VWA2: variants seen among roughly 807,000 people sequenced by gnomAD.
VWA2 encodes the protein von Willebrand factor A domain-containing protein 2.
In VWA2, 73 loss-of-function variants were observed where a neutral mutation model predicts 70.4. The ratio of observed to expected loss-of-function variants is 1.04; its 90% CI spans 0.86 to 1.26. VWA2 has a LOEUF of 1.26. VWA2 is among the 50% of genes most tolerant of loss of function. The pLI is 0.00. For missense variants in VWA2, 1,011 were observed against 998.5 expected (o/e 1.01, Z -0.17); for synonymous variants, 407 against 423.3 (o/e 0.96, Z 0.47).
Position 114,290,871 on chromosome 10 carries a change from G to T in VWA2, c.2249-347G>T, listed in dbSNP as rs975351546. Among the ~76,000 whole-genome samples the T allele has an allele frequency of 8.5e-5, 13 of 152,314 alleles. No individual in the cohort carries two copies. The East Asian group carries it at 2.1e-3, about 25-fold the overall frequency. ...GAGGTGCTAGAGGTTTGAGAGAAAA[G>T]AAGTCATTGTCAAGGGTAACAGATT... On this transcript the variant is annotated intron_variant, in intron 13 of 13. Coordinates refer to ENST00000392982, the MANE Select transcript of VWA2 (RefSeq NM_001272046.2).
At chr10:114,242,458 CGTGCCTCTGTGTACCA>C in intron 1 of VWA2, among the ~76,000 whole-genome samples, 1 of 152,230 alleles carries the variant, frequency 6.6e-6, no homozygotes, top group East Asian at 1.9e-4. Context: ...CTGTGTACCA[CGTGCCTCTGTGTACCA>C]GTGCCTCTGC....
At position 114,252,367 on chromosome 10, in the gene VWA2, G is replaced by C. The variant is rs561452953; in HGVS notation, c.53-1284G>C. ...AGATTGAGGGGAGGAGGGAGTATTA[G>C]GTGAGCAGGAGCTGTCTGCTCAAAG... On this transcript the variant is annotated intron_variant, in intron 2 of 13. Transcript: ENST00000392982. Among the ~76,000 whole-genome samples, 13 of 152,244 alleles carry C rather than the reference G, an allele frequency of 8.5e-5. No individual in the cohort carries two copies. The South Asian group carries it at 1.9e-3, about 22-fold the overall frequency.
intron 8 of VWA2, among the ~76,000 whole-genome samples, chr10:114,279,818 A>T (rs573786904): frequency 6.6e-6 from 1 of 152,346 alleles, no homozygotes; most frequent in African/African-American, 2.4e-5. Context: ...TTGGAAAAGG[A>T]GACCAGCGGC....
chr10:114,258,991 T>A (rs1048185799), intron 4 of VWA2, among the ~76,000 whole-genome samples: 1 of 152,242 alleles, frequency 6.6e-6, no homozygotes, highest in African/African-American at 2.4e-5. Context: ...GGATATTTGC[T>A]GTTACAAATA....
At chr10:114,278,477 G>T (rs888391183) in intron 7 of VWA2, among the ~76,000 whole-genome samples, 3 of 152,210 alleles carry the variant, frequency 2.0e-5, no homozygotes, top group African/African-American at 7.2e-5. Flanking sequence ...TGCCCATTAC[G>T]CAAAAGCTGT....
At position 114,291,793 on chromosome 10, in the gene VWA2, G is replaced by A. The variant is rs186758666; in HGVS notation, c.*556G>A. On this transcript the variant is annotated 3_prime_UTR_variant, in exon 14 of 14. Coordinates refer to ENST00000392982, the MANE Select transcript of VWA2 (RefSeq NM_001272046.2). ...GAGTCTGAAAGGGGGCTTGAGGGAC[G>A]TTTGTGACTTCTGGCGACTGCCTTT... Among the ~76,000 whole-genome samples, 8 of 152,348 alleles carry A rather than the reference G, an allele frequency of 5.3e-5. No homozygotes were observed. The East Asian group carries it at 7.7e-4, about 15-fold the overall frequency.
chr10:114,291,127 G>C, intron 13 of VWA2, 91 bp from the exon 14 acceptor site: 1 of 1,445,978 alleles, frequency 6.9e-7, no homozygotes, highest in Non-Finnish European at 9.5e-7. Flanking sequence ...TGTAGAGTAA[G>C]AGCAGGACCT....
rs2039577457 is a variant in VWA2 at position 114,291,315 on chromosome 10, G to A, written c.*78G>A. ...CAGAGAAGGCCTGGGCACTGAAATG[G>A]TGCCTACCTTCTGGAATGTCTGTGC... On this transcript the variant is annotated 3_prime_UTR_variant, in exon 14 of 14. Transcript: ENST00000392982. The A allele has an allele frequency of 2.0e-6, 3 of 1,464,924 alleles. No individual in the cohort carries two copies. Among genetic ancestry groups the A allele is most frequent in the Non-Finnish European group, 1.8e-6 (2 of 1,095,382 alleles). The allele number at this position is 1,464,924 out of a possible 1,614,324, so 90.7% of individuals were successfully genotyped here. A position where few individuals can be genotyped will look rare whatever the true frequency, so the allele number is the denominator to read the frequency against.
rs908304414 is a variant in VWA2 at position 114,290,668 on chromosome 10, C to T, written c.2248+303C>T. 4.6e-5 allele frequency among the ~76,000 whole-genome samples: 7 copies of T among 152,004 alleles called. No individual in the cohort carries two copies. In the South Asian group the frequency reaches 6.2e-4, roughly 14 times the overall value. On this transcript the variant is annotated intron_variant, in intron 13 of 13. Transcript: ENST00000392982. ...GTGTGGTAGACGGTGCTAAGCACCCCGGAGAAAGTCATGACAACTAGGAGG... is the reference window on the plus strand; with the variant it reads ...GTGTGGTAGACGGTGCTAAGCACCCTGGAGAAAGTCATGACAACTAGGAGG...
chr10:114,267,242 G>A (rs191692690), intron 5 of VWA2, among the ~76,000 whole-genome samples: 3 of 149,312 alleles, frequency 2.0e-5, no homozygotes, highest in South Asian at 2.1e-4. Context: ...AGACTCTCCC[G>A]AGTAGCTGGG....
intron 6 of VWA2, among the ~76,000 whole-genome samples, chr10:114,276,246 G>T (rs1447858986): frequency 6.6e-6 from 1 of 152,168 alleles, no homozygotes; most frequent in Non-Finnish European, 1.5e-5. Context: ...CCACCAAAGG[G>T]CTGAGTCGCT....
At chr10:114,274,731 G>A (rs2037789155) in intron 6 of VWA2, among the ~76,000 whole-genome samples, 1 of 151,962 alleles carries the variant, frequency 6.6e-6, no homozygotes, top group South Asian at 2.1e-4. Context: ...CTGGCTTCAA[G>A]TGACCCACCC....
At position 114,291,194 on chromosome 10, in the gene VWA2, C is replaced by T. The variant is rs1394946146; in HGVS notation, c.2249-24C>T. The T allele has an allele frequency of 4.5e-6, 7 of 1,550,318 alleles. No individual in the cohort carries two copies. The African/African-American group carries it at 5.5e-5, about 12-fold the overall frequency. ...AGAAGGGGATGCAGACACTCCTGTC[C>T]TCAGACTTCACTTCCTTCCCCAGGA... On this transcript the variant is annotated intron_variant, in intron 13 of 13. Coordinates refer to ENST00000392982, the MANE Select transcript of VWA2 (RefSeq NM_001272046.2).
intron 10 of VWA2, 98 bp downstream of exon 10, chr10:114,285,068 C>A: frequency 2.0e-6 from 2 of 1,014,900 alleles, no homozygotes; most frequent in Non-Finnish European, 2.8e-6. Context: ...TGGGTAGAAA[C>A]TGGCCCTTGA....
intron 12 of VWA2, 134 bp from the exon 13 acceptor site, chr10:114,290,106 A>G: frequency 8.0e-7 from 1 of 1,248,882 alleles, no homozygotes; most frequent in Non-Finnish European, 1.1e-6. Context: ...ATGCAGCACC[A>G]ACCATGAGCT....
At chr10:114,251,742 G>A (rs78146554) in intron 2 of VWA2, among the ~76,000 whole-genome samples, 1,631 of 152,024 alleles carry the variant, frequency 0.011, 21 homozygotes, top group African/African-American at 0.038. Flanking sequence ...GAACAGAACC[G>A]CATTATGGGG....
At position 114,286,398 on chromosome 10, in the gene VWA2, A is replaced by G; in HGVS notation, c.1457A>G (p.Glu486Gly). The change falls in exon 11 of 14, where the codon GAG becomes GGG. Residue 486 changes from glutamate to glycine, a missense_variant. By Grantham distance (98) the Glu-to-Gly change is moderately conservative. Coordinates refer to ENST00000392982, the MANE Select transcript of VWA2 (RefSeq NM_001272046.2). ...LGVGSEAVRA[E>G]LEEITGSPKH... Reference sequence around the variant, plus strand: ...GTAGGCAGTGAGGCCGTGCGGGCAGAGCTGGAGGAGATCACAGGCAGCCCA... The same window carrying G: ...GTAGGCAGTGAGGCCGTGCGGGCAGGGCTGGAGGAGATCACAGGCAGCCCA... 2 of 1,613,926 alleles carry G rather than the reference A, an allele frequency of 1.2e-6. No individual in the cohort carries two copies. Among genetic ancestry groups the G allele is most frequent in the Non-Finnish European group, 1.7e-6 (2 of 1,180,016 alleles).
chr10:114,275,504 C>T (rs1255475028), intron 6 of VWA2, among the ~76,000 whole-genome samples: 1 of 152,228 alleles, frequency 6.6e-6, no homozygotes, highest in African/African-American at 2.4e-5. Flanking sequence ...CGGTGGGAAT[C>T]CCTGTCTCCT....
At chr10:114,279,845 A>G (rs1464953015) in intron 8 of VWA2, among the ~76,000 whole-genome samples, 1 of 152,178 alleles carries the variant, frequency 6.6e-6, no homozygotes, top group Non-Finnish European at 1.5e-5. Context: ...GAGGCATCCT[A>G]GGTGTTGGGA....
Sources: allele counts gnomAD v4.1 joint callset (sites outside exome capture counted in the v4.1 genomes callset), GRCh38; gene constraint gnomAD v4.1.1; transcripts MANE v1.5; gene names NCBI Gene and HGNC (gene_info 2026-07-23, HGNC 2026-07-21).